Variants in PITPNM2 observed in about 807,000 individuals in gnomAD.
The protein encoded by PITPNM2 is phosphatidylinositol transfer protein membrane associated 2.
PITPNM2 carries 35 observed loss-of-function variants against 132.2 expected under a neutral mutation model. That is an observed-to-expected ratio of 0.26 (90% confidence interval 0.20 to 0.35). PITPNM2 has a LOEUF of 0.35. Ranked by LOEUF, PITPNM2 falls within the 10% of genes least tolerant of loss-of-function variation. The pLI is 1.00. For synonymous variants in PITPNM2, 738 were observed against 799.2 expected (o/e 0.92, Z 1.29); for missense variants, 1,332 against 1,912.0 (o/e 0.70, Z 5.66).
Position 123,022,903 on chromosome 12 carries a change from C to T in PITPNM2, c.79-8861G>A, listed in dbSNP as rs2039724063. The stretch of plus-strand genomic sequence containing the variant: ...GGATCTGATGTGCCCTGCCTCTTCC[C>T]CCAGGGCCCTCCACCCAAACCTCCC... On this transcript the variant is annotated intron_variant, in intron 3 of 25. Coordinates refer to ENST00000320201, the MANE Select transcript of PITPNM2 (RefSeq NM_020845.3). This position sits in a 1 kb window ranked among gnomAD's most constrained non-coding sequence, Gnocchi z 4.9. Among the ~76,000 whole-genome samples, 1 of 152,204 alleles carries T rather than the reference C, an allele frequency of 6.6e-6. No individual in the cohort carries two copies. The highest frequency in any genetic ancestry group is 1.5e-5 in the Non-Finnish European group (1 of 68,030).
Position 123,001,089 on chromosome 12 carries a change from T to C in PITPNM2, c.1118A>G (p.Asp373Gly). Reference protein sequence around the residue: ...ITKWSSNDLMDKIESPEPEDT... With the variant: ...ITKWSSNDLMGKIESPEPEDT... Reference sequence around the variant, plus strand: ...TTCCGGCTCTGGGCTCTCGATCTTGTCCATGAGGTCATTGGAGCTCCACTT... The same window carrying C: ...TTCCGGCTCTGGGCTCTCGATCTTGCCCATGAGGTCATTGGAGCTCCACTT... The change falls in exon 9 of 26, where the codon GAC becomes GGC. Residue 373 changes from aspartate to glycine, a missense_variant. This residue lies in a region of PITPNM2 where 710 missense variants were observed against 911.5 expected (regional missense o/e 0.78). Transcript: ENST00000320201. 6.2e-7 allele frequency: 1 copy of C among 1,614,198 alleles called. No homozygotes were observed. The highest frequency in any genetic ancestry group is 8.5e-7 in the Non-Finnish European group (1 of 1,180,026).
rs967249367 is a variant in PITPNM2 at position 123,022,026 on chromosome 12, G to A, written c.79-7984C>T. ...CAGCAAGGAGAGTGGCAGGGGAATC[G>A]CCATGGCTCCAAAGCCAGATGTCTC... On this transcript the variant is annotated intron_variant, in intron 3 of 25. Transcript: ENST00000320201. This position sits in a 1 kb window ranked among gnomAD's most constrained non-coding sequence, Gnocchi z 4.9. 3.3e-5 allele frequency among the ~76,000 whole-genome samples: 5 copies of A among 152,136 alleles called. No individual in the cohort carries two copies. Among genetic ancestry groups the A allele is most frequent in the Non-Finnish European group, 5.9e-5 (4 of 68,030 alleles).
chr12:123,044,584 C>A (rs1351969254), intron 2 of PITPNM2, among the ~76,000 whole-genome samples: 1 of 152,104 alleles, frequency 6.6e-6, no homozygotes, highest in Non-Finnish European at 1.5e-5. Context: ...TGGTGATAAG[C>A]CCTTGTGATG....
chr12:122,987,260 G>C, intron 23 of PITPNM2, 21 bp downstream of exon 23: 1 of 1,609,014 alleles, frequency 6.2e-7, no homozygotes, highest in Non-Finnish European at 8.5e-7. Context: ...CAGCCCCTTT[G>C]TGCCCCTCTG....
chr12:123,016,092 G>C (rs11610316), intron 3 of PITPNM2, among the ~76,000 whole-genome samples: 1 of 152,098 alleles, frequency 6.6e-6, no homozygotes. Flanking sequence ...TTGGGAGGCC[G>C]AGGCAGGCAG....
rs922878184 is a variant in PITPNM2 at position 122,994,256 on chromosome 12, CAT to C, written c.2233+543_2233+544del. The stretch of plus-strand genomic sequence containing the variant: ...CCCCCTCTGTCATCTGGGAGTGTAA[CAT>C]GTGTTGCTACTCTCAGGATTGTGTG... On this transcript the variant is annotated intron_variant, in intron 15 of 25. Transcript: ENST00000320201. This position sits in a 1 kb window ranked among gnomAD's most constrained non-coding sequence, Gnocchi z 5.4. Among the ~76,000 whole-genome samples, 1 of 152,234 alleles carries C rather than the reference CAT, an allele frequency of 6.6e-6. No individual in the cohort carries two copies. Among genetic ancestry groups the C allele is most frequent in the African/African-American group, 2.4e-5 (1 of 41,456 alleles).
In PITPNM2 at chr12:122,997,056, C is replaced by G. The variant is rs1048284098; in HGVS notation, c.1473-146G>C. On this transcript the variant is annotated intron_variant, in intron 11 of 25. Coordinates refer to ENST00000320201, the MANE Select transcript of PITPNM2 (RefSeq NM_020845.3). ...CAGGGCCTGGATAGGCTTGGGGGAC[C>G]AGGGTGGGTAAGACCCCATGTCTCA... The G allele has an allele frequency of 4.1e-6, 4 of 964,048 alleles. No homozygotes were observed. In the African/African-American group the frequency reaches 6.6e-5, roughly 16 times the overall value. The allele number at this position is 964,048 out of a possible 1,614,324, so 59.7% of individuals were successfully genotyped here.
rs146566005 is a variant in PITPNM2 at position 123,007,498 on chromosome 12, T to C, written c.644-1950A>G. The C allele has an allele frequency of 1.7e-3, 718 of 433,334 alleles. 2 individuals carry two copies. Among genetic ancestry groups the C allele is most frequent in the Non-Finnish European group, 2.7e-3 (576 of 215,092 alleles). 26.8% of individuals were successfully genotyped at this position (433,334 alleles called of 1,614,324 possible). On this transcript the variant is annotated intron_variant, in intron 6 of 25. Transcript: ENST00000320201. Reference sequence around the variant, plus strand: ...GCATGCTGAGCGGGTTTGCAAGCAGTTGGGCCACGCCAGGCTCCCAGGCTG... The same window carrying C: ...GCATGCTGAGCGGGTTTGCAAGCAGCTGGGCCACGCCAGGCTCCCAGGCTG...
chr12:123,042,755 A>G (rs1312730902), intron 2 of PITPNM2, among the ~76,000 whole-genome samples: 1 of 152,150 alleles, frequency 6.6e-6, no homozygotes, highest in Non-Finnish European at 1.5e-5. Context: ...GAGCTGAAGC[A>G]GGCAATGGTA....
At chr12:123,123,392 G>A (rs937485160) in intron 1 of PITPNM2, among the ~76,000 whole-genome samples, 1 of 152,176 alleles carries the variant, frequency 6.6e-6, no homozygotes, top group Non-Finnish European at 1.5e-5. Flanking sequence ...TGAGAGGACT[G>A]CTTGAAGCCA....
intron 3 of PITPNM2, among the ~76,000 whole-genome samples, chr12:123,029,871 G>A (rs2040015303): frequency 6.6e-6 from 1 of 151,552 alleles, no homozygotes; most frequent in South Asian, 2.1e-4. Context: ...TAGAGCCATG[G>A]GTGAGGGAGG....
At chr12:123,027,038 G>C (rs937878772) in intron 3 of PITPNM2, among the ~76,000 whole-genome samples, 2 of 152,126 alleles carry the variant, frequency 1.3e-5, no homozygotes, top group Non-Finnish European at 1.5e-5. Flanking sequence ...GGTCACCAGT[G>C]GGGTGAGTGC....
intron 3 of PITPNM2, among the ~76,000 whole-genome samples, chr12:123,015,834 G>A (rs1020483156): frequency 6.6e-6 from 1 of 152,150 alleles, no homozygotes; most frequent in Non-Finnish European, 1.5e-5. Context: ...AATGGGAGAA[G>A]ACATTTGCAT....
At chr12:123,141,811 C>G (rs956342529) in intron 1 of PITPNM2, among the ~76,000 whole-genome samples, 1 of 152,128 alleles carries the variant, frequency 6.6e-6, no homozygotes, top group Non-Finnish European at 1.5e-5. Context: ...TGCCAACACC[C>G]CACACCCAGC....
At chr12:123,141,042 T>A (rs2043495454) in intron 1 of PITPNM2, among the ~76,000 whole-genome samples, 1 of 151,258 alleles carries the variant, frequency 6.6e-6, no homozygotes, top group Non-Finnish European at 1.5e-5. Context: ...GAAATACTGA[T>A]GGATTTTTTA....
chr12:123,042,958 T>C (rs2040545528), intron 2 of PITPNM2, among the ~76,000 whole-genome samples: 1 of 151,900 alleles, frequency 6.6e-6, no homozygotes, highest in Non-Finnish European at 1.5e-5. Context: ...TCTGAAGGTG[T>C]GTGTTATGAG....
In PITPNM2 at chr12:123,022,921, A is replaced by G. The variant is rs1054384835; in HGVS notation, c.79-8879T>C. On this transcript the variant is annotated intron_variant, in intron 3 of 25. Coordinates refer to ENST00000320201, the MANE Select transcript of PITPNM2 (RefSeq NM_020845.3). This position sits in a 1 kb window ranked among gnomAD's most constrained non-coding sequence, Gnocchi z 4.9. ...CTCTTCCCCCAGGGCCCTCCACCCA[A>G]ACCTCCCTCCCCAGAGCCCCGCTGG... is the stretch of plus-strand genomic sequence containing the variant. Among the ~76,000 whole-genome samples the G allele has an allele frequency of 6.6e-6, 1 of 152,106 alleles. No homozygotes were observed. Among genetic ancestry groups the G allele is most frequent in the Non-Finnish European group, 1.5e-5 (1 of 67,994 alleles).
chr12:123,004,519 A>T lies in PITPNM2; in HGVS notation c.953-30T>A. The T allele has an allele frequency of 1.2e-6, 2 of 1,610,098 alleles. No homozygotes were observed. The highest frequency in any genetic ancestry group is 1.7e-6 in the Non-Finnish European group (2 of 1,177,314). On this transcript the variant is annotated intron_variant, in intron 7 of 25. Transcript: ENST00000320201. The surrounding 1 kb of genome is among the most constrained non-coding windows in gnomAD (Gnocchi z 4.9). ...AAGGCAAAACCCCAGATTGACCGCC[A>T]ACTGGAGAGGAAGGGCCCAGAGGCT...
intron 21 of PITPNM2, 22 bp from the exon 22 acceptor site, chr12:122,987,681 C>T (rs372886610): frequency 9.9e-6 from 16 of 1,610,938 alleles, no homozygotes; most frequent in Middle Eastern, 1.7e-4. Flanking sequence ...AGGCTGGTCA[C>T]GGGCTGGCTG....
Sources: allele counts gnomAD v4.1 joint callset (sites outside exome capture counted in the v4.1 genomes callset), GRCh38; gene constraint gnomAD v4.1.1; regional missense constraint gnomAD v4.1.1; non-coding constraint Gnocchi (gnomAD v3.1); transcripts MANE v1.5; gene names NCBI Gene and HGNC (gene_info 2026-07-23, HGNC 2026-07-21).